The following MLLT10 variants were observed in gnomAD, a reference collection of about 807,000 sequenced individuals.
MLLT10 encodes protein AF-10.
Under a neutral mutation model 129.1 loss-of-function variants are expected in MLLT10, and 30 were observed. The observed-to-expected ratio is 0.23, with a 90% confidence interval of 0.17 to 0.32. The LOEUF is 0.32. MLLT10 is among the 10% of genes least tolerant of loss of function. MLLT10 has a pLI of 1.00. For missense variants in MLLT10, 1,119 were observed against 1,268.3 expected, an observed-to-expected ratio of 0.88 and a Z score of 1.79; for synonymous variants, 490 against 446.4, an observed-to-expected ratio of 1.10 and a Z score of -1.23.
chr10:21,564,059 G>A (rs1358291312), intron 3 of MLLT10, among the ~76,000 whole-genome samples: 2 of 151,948 alleles, frequency 1.3e-5, no homozygotes, highest in African/African-American at 2.4e-5. Flanking sequence ...TGATCCACCC[G>A]CCTTGGCCTC....
rs1265090697 is a variant in MLLT10, at chr10:21,713,964, CTATCATGTGA to C, written c.1878+15_1878+24del. 3 of 1,598,040 alleles carry C rather than the reference CTATCATGTGA, an allele frequency of 1.9e-6. No homozygotes were observed. Among genetic ancestry groups the C allele is most frequent in the Non-Finnish European group, 1.7e-6 (2 of 1,172,338 alleles). On this transcript the variant is annotated intron_variant, in intron 14 of 22. Transcript: ENST00000307729. ...GCTACAACTCAGGTAAGTTGTTACACTATCATGTGACAGGTAATAGGTGGGTTTCTCATTT... is the reference window on the plus strand; with the variant it reads ...GCTACAACTCAGGTAAGTTGTTACACCAGGTAATAGGTGGGTTTCTCATTT...
intron 21 of MLLT10, among the ~76,000 whole-genome samples, chr10:21,739,543 A>C (rs1326123273): frequency 1.3e-5 from 2 of 152,180 alleles, no homozygotes; most frequent in East Asian, 3.9e-4. Flanking sequence ...TTCCCTGCTC[A>C]ATGTGTTTCA....
chr10:21,669,743 T>A (rs1461312095), intron 9 of MLLT10, among the ~76,000 whole-genome samples: 1 of 152,216 alleles, frequency 6.6e-6, no homozygotes, highest in East Asian at 1.9e-4. Context: ...TACCTTGTAT[T>A]AAAAATGACT....
At chr10:21,545,945 G>A (rs1339978481) in intron 3 of MLLT10, among the ~76,000 whole-genome samples, 1 of 152,140 alleles carries the variant, frequency 6.6e-6, no homozygotes, top group Non-Finnish European at 1.5e-5. Context: ...GGGATTTCAG[G>A]CGTGAGCCAC....
chr10:21,727,991 TATCTC>T lies in MLLT10; in HGVS notation c.2063+66_2063+70del, dbSNP rs540761073. On this transcript the variant is annotated intron_variant, in intron 16 of 22. Transcript: ENST00000307729. Reference sequence around the variant, plus strand: ...AACGTTTGAGATTTGGAAACTTTCTTATCTCATATCAGTAGAGTGTACATTTGTGA... The same window carrying T: ...AACGTTTGAGATTTGGAAACTTTCTTATATCAGTAGAGTGTACATTTGTGA... The T allele has an allele frequency of 1.7e-3, 2,243 of 1,342,890 alleles. 50 individuals carry two copies. In the South Asian group the frequency reaches 0.025, roughly 15 times the overall value. The allele number at this position is 1,342,890 out of a possible 1,614,324, so 83.2% of individuals were successfully genotyped here.
chr10:21,628,581 A>T (rs769556500), intron 8 of MLLT10, among the ~76,000 whole-genome samples: 4 of 151,634 alleles, frequency 2.6e-5, no homozygotes, highest in Non-Finnish European at 4.4e-5. Context: ...AGCTGGGATT[A>T]CGGGCTTTTG....
At chr10:21,722,627 C>T (rs1394272587) in intron 14 of MLLT10, among the ~76,000 whole-genome samples, 1 of 152,080 alleles carries the variant, frequency 6.6e-6, no homozygotes, top group Non-Finnish European at 1.5e-5. Context: ...GTCTATGAAA[C>T]GCCAGACACT....
intron 9 of MLLT10, among the ~76,000 whole-genome samples, chr10:21,666,583 A>T (rs2050821692): frequency 6.6e-6 from 1 of 151,956 alleles, no homozygotes; most frequent in South Asian, 2.1e-4. Context: ...GAATCGTTGG[A>T]ACCCGGGAGG....
intron 3 of MLLT10, among the ~76,000 whole-genome samples, chr10:21,548,541 G>A (rs2036470967): frequency 6.6e-6 from 1 of 151,786 alleles, no homozygotes; most frequent in Non-Finnish European, 1.5e-5. Flanking sequence ...GGCTAATTTT[G>A]TGTATTTTTA....
At position 21,631,206 on chromosome 10, in the gene MLLT10, C is replaced by G. The variant is rs370214227; in HGVS notation, c.699+13999C>G. 2.7e-5 allele frequency among the ~76,000 whole-genome samples: 4 copies of G among 148,676 alleles called. No homozygotes were observed. The East Asian group carries it at 8.1e-4, about 30-fold the overall frequency. ...GCGGGCGCCTGTAGTCCCAGCTACT[C>G]GGAAGGCTGAGGCAGGAGAATGGCG... On this transcript the variant is annotated intron_variant, in intron 8 of 22. Transcript: ENST00000307729.
chr10:21,547,527 C>CTT, intron 3 of MLLT10, among the ~76,000 whole-genome samples: 1 of 135,186 alleles, frequency 7.4e-6, no homozygotes, highest in East Asian at 2.1e-4. Context: ...CTGTTTTTTT[C>CTT]TTTTTTTTTT....
At chr10:21,576,716 C>T (rs1167124386) in intron 3 of MLLT10, among the ~76,000 whole-genome samples, 6 of 151,786 alleles carry the variant, frequency 4.0e-5, no homozygotes, top group East Asian at 1.9e-4. Flanking sequence ...CTGCAACCTC[C>T]GCTTCCCGGG....
intron 14 of MLLT10, among the ~76,000 whole-genome samples, chr10:21,719,821 C>A (rs1007618902): frequency 2.0e-5 from 3 of 152,138 alleles, no homozygotes; most frequent in African/African-American, 7.2e-5. Flanking sequence ...TCAACTGTTA[C>A]TCTTCAGCCT....
chr10:21,633,799 T>C (rs1052170571), intron 8 of MLLT10, among the ~76,000 whole-genome samples: 3 of 152,240 alleles, frequency 2.0e-5, no homozygotes, highest in Non-Finnish European at 4.4e-5. Flanking sequence ...ATAGCCACAA[T>C]GTAATTAGCT....
rs757310668 is a variant in MLLT10, at chr10:21,681,374, C to A, written c.1664C>A (p.Thr555Asn). 5 of 1,609,890 alleles carry A rather than the reference C, an allele frequency of 3.1e-6. No homozygotes were observed. The South Asian group carries it at 5.5e-5, about 18-fold the overall frequency. Residue 555 changes from threonine (T) to asparagine (N), a missense_variant and splice_region_variant, in exon 12 of 23, where the codon ACT becomes AAT. Thr to Asn is a moderately conservative substitution (Grantham distance 65). Around this residue, in one of 5 missense-constraint regions of MLLT10, gnomAD observed 1,004 missense variants for 1,008.7 expected, o/e 1.00. Transcript: ENST00000307729. ...QYRHDGACPTTTFSELLNAIH... is the reference protein window; with the variant it reads ...QYRHDGACPTNTFSELLNAIH... The stretch of plus-strand genomic sequence containing the variant: ...CGGCATGATGGAGCTTGCCCAACAA[C>A]TAGTAAGTTGTCAAACTGGGTTGAT...
chr10:21,634,427 A>G (rs2047275350), intron 8 of MLLT10, among the ~76,000 whole-genome samples: 1 of 152,206 alleles, frequency 6.6e-6, no homozygotes, highest in South Asian at 2.1e-4. Context: ...ATCAAGGGAC[A>G]TATGATATTA....
At chr10:21,579,779 T>C (rs942014126) in intron 3 of MLLT10, among the ~76,000 whole-genome samples, 2 of 151,850 alleles carry the variant, frequency 1.3e-5, no homozygotes, top group Admixed American at 1.3e-4. Context: ...GTCAGGCTGG[T>C]CTCGAACTCC....
intron 21 of MLLT10, among the ~76,000 whole-genome samples, chr10:21,739,512 A>G (rs1029318295): frequency 2.6e-5 from 4 of 152,222 alleles, no homozygotes; most frequent in African/African-American, 7.2e-5. Flanking sequence ...ATCACATTCT[A>G]ACGTTTTCAT....
intron 22 of MLLT10, among the ~76,000 whole-genome samples, chr10:21,741,540 T>C (rs1240342260): frequency 6.6e-6 from 1 of 152,126 alleles, no homozygotes; most frequent in Non-Finnish European, 1.5e-5. Flanking sequence ...TTTTATAGAT[T>C]AGTAAAAGGA....
Sources: allele counts gnomAD v4.1 joint callset (sites outside exome capture counted in the v4.1 genomes callset), GRCh38; gene constraint gnomAD v4.1.1; regional missense constraint gnomAD v4.1.1; transcripts MANE v1.5; gene names NCBI Gene and HGNC (gene_info 2026-07-23, HGNC 2026-07-21).